The following SZT2 variants were observed in gnomAD, a reference collection of about 807,000 sequenced individuals.
SZT2 encodes SZT2 subunit of KICSTOR complex, also known as KICSTOR complex protein SZT2.
SZT2 carries 216 observed loss-of-function variants against 404.2 expected under a neutral mutation model. The observed-to-expected ratio is 0.53, with a 90% CI of 0.48 to 0.60. The LOEUF (loss-of-function observed/expected upper bound fraction) is 0.60. Ranked by LOEUF, SZT2 falls within the 20% of genes least tolerant of loss-of-function variation. The pLI, the probability that SZT2 is intolerant of heterozygous loss-of-function variation, is 0.00. For missense variants in SZT2, 3,857 were observed against 4,459.2 expected (o/e 0.86, Z 3.85); for synonymous variants, 1,693 against 1,749.9 (o/e 0.97, Z 0.81).
chr1:43,420,757 CA>C lies in SZT2; in HGVS notation c.1272del (p.Gln424HisfsTer4). ...TTCCGCTTCTCCCTAAGGAGGGTCC[CA>C]ATTGGAGGTAAAGCTGGTGCTGCTG... ...REVTLAKGGS[Q>X]LEVKLVLLWK... On this transcript the variant is annotated frameshift_variant, in exon 10 of 72. Transcript: ENST00000634258. LOFTEE classifies it high-confidence loss of function. The surrounding 1 kb of genome is among the most constrained non-coding windows in gnomAD (Gnocchi z 5.1). 6.3e-7 allele frequency: 1 copy of C among 1,598,348 alleles called. No individual in the cohort carries two copies. Among genetic ancestry groups the C allele is most frequent in the Non-Finnish European group, 8.5e-7 (1 of 1,179,786 alleles).
chr1:43,394,470 G>C (rs541500144), intron 1 of SZT2, among the ~76,000 whole-genome samples: 42 of 152,242 alleles, frequency 2.8e-4, no homozygotes, highest in Middle Eastern at 3.4e-3. Context: ...TCATGCAGCT[G>C]GTCCTTGGAT....
In SZT2 at chr1:43,448,991, C is replaced by G. The variant is rs1025183593; in HGVS notation, c.10086+263C>G. The G allele has an allele frequency of 1.1e-5, 5 of 448,854 alleles. No homozygotes were observed. Among genetic ancestry groups the G allele is most frequent in the Non-Finnish European group, 2.0e-5 (5 of 249,988 alleles). 27.8% of individuals were successfully genotyped at this position (448,854 alleles called of 1,614,324 possible). On this transcript the variant is annotated intron_variant, in intron 70 of 71. Coordinates refer to ENST00000634258, the MANE Select transcript of SZT2 (RefSeq NM_001365999.1). This position sits in a 1 kb window ranked among gnomAD's most constrained non-coding sequence, Gnocchi z 4.2. ...GAGGGCCAGGCTCTGGAACTGACAA[C>G]CCAAGGAGCTGTCAGAACTTTGTCA...
intron 1 of SZT2, among the ~76,000 whole-genome samples, chr1:43,390,869 T>A (rs1648215048): frequency 6.6e-6 from 1 of 152,222 alleles, no homozygotes; most frequent in African/African-American, 2.4e-5. Context: ...GAGATGTGTA[T>A]AATGATAGAA....
rs1464614070 is a variant in SZT2 at position 43,452,429 on chromosome 1, T to A, written c.*1949T>A. On this transcript the variant is annotated 3_prime_UTR_variant, in exon 72 of 72. Coordinates refer to ENST00000634258, the MANE Select transcript of SZT2 (RefSeq NM_001365999.1). Reference sequence around the variant, plus strand: ...TCCGTCTCCCCAGGTCTCCAGTCCATGGCACCTGGGTCACGATGCCCAGGT... The same window carrying A: ...TCCGTCTCCCCAGGTCTCCAGTCCAAGGCACCTGGGTCACGATGCCCAGGT... 2 of 852,200 alleles carry A rather than the reference T, an allele frequency of 2.3e-6. No homozygotes were observed. Among genetic ancestry groups the A allele is most frequent in the Non-Finnish European group, 3.9e-6 (2 of 508,292 alleles). 52.8% of individuals were successfully genotyped at this position (852,200 alleles called of 1,614,324 possible).
chr1:43,410,643 A>C (rs1650924920), intron 4 of SZT2: 1 of 151,892 alleles, frequency 6.6e-6, no homozygotes, highest in Admixed American at 6.6e-5. Flanking sequence ...ACGCTCCATG[A>C]CACTGGACTG....
chr1:43,411,833 C>T (rs932893483), intron 4 of SZT2, among the ~76,000 whole-genome samples: 2 of 121,656 alleles, frequency 1.6e-5, no homozygotes, highest in Admixed American at 1.1e-4. Context: ...GGGTGGAGTG[C>T]AGTGGCATGA....
At chr1:43,433,640 G>T (rs991865608) in intron 40 of SZT2, among the ~76,000 whole-genome samples, 34 of 152,304 alleles carry the variant, frequency 2.2e-4, no homozygotes, top group African/African-American at 7.9e-4. Context: ...AAATTAGTTG[G>T]GCGTGGTGGC....
intron 67 of SZT2, 24 bp from the exon 68 acceptor site, chr1:43,447,825 A>G (rs1655867598): frequency 6.2e-7 from 1 of 1,613,452 alleles, no homozygotes; most frequent in Admixed American, 1.7e-5. Flanking sequence ...CAGAGTTGAC[A>G]TCTCCCCAAC....
chr1:43,452,969 A>G lies in SZT2; in HGVS notation c.*2489A>G, dbSNP rs746723799. 2 of 1,609,044 alleles carry G rather than the reference A, an allele frequency of 1.2e-6. No individual in the cohort carries two copies. Among genetic ancestry groups the G allele is most frequent in the Non-Finnish European group, 1.7e-6 (2 of 1,178,014 alleles). On this transcript the variant is annotated 3_prime_UTR_variant, in exon 72 of 72. Coordinates refer to ENST00000634258, the MANE Select transcript of SZT2 (RefSeq NM_001365999.1). Reference sequence around the variant, plus strand: ...TCTTGCCACAGCACCCTTGCAAGGAACACTCAACTTCCTGCCCATCAAGCA... The same window carrying G: ...TCTTGCCACAGCACCCTTGCAAGGAGCACTCAACTTCCTGCCCATCAAGCA...
rs1656630188 is a variant in SZT2 at position 43,453,208 on chromosome 1, CAG to C, written c.*2731_*2732del. 1.6e-6 allele frequency: 1 copy of C among 641,714 alleles called. No individual in the cohort carries two copies. Among genetic ancestry groups the C allele is most frequent in the South Asian group, 1.9e-5 (1 of 53,518 alleles). The allele number at this position is 641,714 out of a possible 1,614,324, so 39.8% of individuals were successfully genotyped here. A position where few individuals can be genotyped will look rare whatever the true frequency, so the allele number is the denominator to read the frequency against. ...GGGGTGAGCATGAAAGAGTGGCAAA[CAG>C]AGTGGCATAAGACAGATAAAATACA... is the stretch of plus-strand genomic sequence containing the variant. On this transcript the variant is annotated 3_prime_UTR_variant, in exon 72 of 72. Transcript: ENST00000634258.
At position 43,450,267 on chromosome 1, in the gene SZT2, T is replaced by G. The variant is rs1189021985; in HGVS notation, c.10156-70T>G. The G allele has an allele frequency of 1.5e-5, 25 of 1,613,588 alleles. No individual in the cohort carries two copies. Among genetic ancestry groups the G allele is most frequent in the Non-Finnish European group, 1.9e-5 (23 of 1,179,684 alleles). ...TGCTGAGGTTGGGGTGCCCACCCTTTCTGAGCCCTGCCTCCTATCCCCACC... is the reference window on the plus strand; with the variant it reads ...TGCTGAGGTTGGGGTGCCCACCCTTGCTGAGCCCTGCCTCCTATCCCCACC... On this transcript the variant is annotated intron_variant, in intron 71 of 71. Coordinates refer to ENST00000634258, the MANE Select transcript of SZT2 (RefSeq NM_001365999.1). The surrounding 1 kb of genome is among the most constrained non-coding windows in gnomAD (Gnocchi z 4.3).
chr1:43,450,056 TGGGA>T lies in SZT2; in HGVS notation c.10087-43_10087-40del. 1 of 1,606,180 alleles carries T rather than the reference TGGGA, an allele frequency of 6.2e-7. No homozygotes were observed. Among genetic ancestry groups the T allele is most frequent in the East Asian group, 2.2e-5 (1 of 44,836 alleles). ...CCTCCCTTCACCTCAGGATGCCCTG[TGGGA>T]GGGTCTGTAGGGTCTGTGTCCCCTC... On this transcript the variant is annotated intron_variant, in intron 70 of 71. Transcript: ENST00000634258. This position sits in a 1 kb window ranked among gnomAD's most constrained non-coding sequence, Gnocchi z 4.3.
At position 43,451,218 on chromosome 1, in the gene SZT2, C is replaced by G. The variant is rs773617586; in HGVS notation, c.*738C>G. On this transcript the variant is annotated 3_prime_UTR_variant, in exon 72 of 72. Coordinates refer to ENST00000634258, the MANE Select transcript of SZT2 (RefSeq NM_001365999.1). ...GGATGTCACTCGCTGTCTGGAGGCA[C>G]GTGGGTGGTGTGCGGGCCCTCACTG... is the stretch of plus-strand genomic sequence containing the variant. 3 of 1,612,318 alleles carry G rather than the reference C, an allele frequency of 1.9e-6. 1 individual carries two copies. In the Admixed American group the frequency reaches 5.0e-5, roughly 27 times the overall value.
chr1:43,439,411 C>T lies in SZT2; in HGVS notation c.6846C>T (p.Asn2282=). ...CTGACTTGGACATCTACTTGTATAA[C>T]AAGCCTGGTGGACAGGGCACTGGGG... ...GLPDLDIYLY[N]KPGGQGTGGK... The change falls in exon 49 of 72, where the codon AAC becomes AAT. Residue 2282 remains asparagine, a synonymous_variant. Coordinates refer to ENST00000634258, the MANE Select transcript of SZT2 (RefSeq NM_001365999.1). This position sits in a 1 kb window ranked among gnomAD's most constrained non-coding sequence, Gnocchi z 4.2. The T allele has an allele frequency of 6.2e-7, 1 of 1,613,062 alleles. No homozygotes were observed. The highest frequency in any genetic ancestry group is 2.2e-5 in the East Asian group (1 of 44,884).
In SZT2 at chr1:43,443,682, G is replaced by T; in HGVS notation, c.8711G>T (p.Arg2904Leu). 1 of 1,614,236 alleles carries T rather than the reference G, an allele frequency of 6.2e-7. No individual in the cohort carries two copies. The highest frequency in any genetic ancestry group is 8.5e-7 in the Non-Finnish European group (1 of 1,180,042). The stretch of plus-strand genomic sequence containing the variant: ...TTGGATGTGTCGCCCCCGGGAGCCC[G>T]TGAGGAGCCTTGGCTGAAGGAGCTG... ...ESLDVSPPGA[R>L]EEPWLKELSL... is the part of the protein sequence containing the mutation. The change falls in exon 62 of 72, where the codon CGT becomes CTT. Residue 2904 changes from arginine to leucine, a missense_variant. Physicochemically the swap from Arg to Leu is moderately radical, Grantham distance 102. This residue lies in a region of SZT2 where 717 missense variants were observed against 868.2 expected (regional missense o/e 0.83). Coordinates refer to ENST00000634258, the MANE Select transcript of SZT2 (RefSeq NM_001365999.1).
In SZT2 at chr1:43,431,696, C is replaced by T. The variant is rs768978599; in HGVS notation, c.5089-20C>T. The T allele has an allele frequency of 3.1e-6, 5 of 1,612,544 alleles. No individual in the cohort carries two copies. Among genetic ancestry groups the T allele is most frequent in the African/African-American group, 1.3e-5 (1 of 74,874 alleles). On this transcript the variant is annotated intron_variant, in intron 35 of 71. Transcript: ENST00000634258. ...AGGAAGCAAGGGAGATGCCCTTTGTCACTTGCTGTCTAACTGTAGATCCGC... is the reference window on the plus strand; with the variant it reads ...AGGAAGCAAGGGAGATGCCCTTTGTTACTTGCTGTCTAACTGTAGATCCGC...
At position 43,451,820 on chromosome 1, in the gene SZT2, CT is replaced by C; in HGVS notation, c.*1342del. 1 of 1,614,064 alleles carries C rather than the reference CT, an allele frequency of 6.2e-7. No homozygotes were observed. Among genetic ancestry groups the C allele is most frequent in the Non-Finnish European group, 8.5e-7 (1 of 1,179,980 alleles). On this transcript the variant is annotated 3_prime_UTR_variant, in exon 72 of 72. Transcript: ENST00000634258. ...TACCATTTGTAATTGGAGGTTGGGTCTTCCTACCTTCTGTAAGATGGCTGCC... is the reference window on the plus strand; with the variant it reads ...TACCATTTGTAATTGGAGGTTGGGTCTCCTACCTTCTGTAAGATGGCTGCC...
chr1:43,427,591 T>A lies in SZT2; in HGVS notation c.3660T>A (p.Ala1220=), dbSNP rs1653319992. ...PPFRRDLQAY[A]GRQASQTESA... Reference sequence around the variant, plus strand: ...TCCGTCGAGACTTACAGGCTTACGCTGGGCGTCAGGCTTCCCAGACAGAGA... The same window carrying A: ...TCCGTCGAGACTTACAGGCTTACGCAGGGCGTCAGGCTTCCCAGACAGAGA... Residue 1220 remains alanine, a synonymous_variant, in exon 26 of 72, where the codon GCT becomes GCA. Coordinates refer to ENST00000634258, the MANE Select transcript of SZT2 (RefSeq NM_001365999.1). 1 of 1,614,102 alleles carries A rather than the reference T, an allele frequency of 6.2e-7. No individual in the cohort carries two copies. Among genetic ancestry groups the A allele is most frequent in the African/African-American group, 1.3e-5 (1 of 74,926 alleles).
chr1:43,398,436 C>T (rs1392872901), intron 1 of SZT2, among the ~76,000 whole-genome samples: 1 of 152,118 alleles, frequency 6.6e-6, no homozygotes, highest in Admixed American at 6.5e-5. Context: ...GCTCTGAGCC[C>T]CAAACCATCC....
Sources: allele counts gnomAD v4.1 joint callset (sites outside exome capture counted in the v4.1 genomes callset), GRCh38; gene constraint gnomAD v4.1.1; regional missense constraint gnomAD v4.1.1; non-coding constraint Gnocchi (gnomAD v3.1); transcripts MANE v1.5; gene names NCBI Gene and HGNC (gene_info 2026-07-23, HGNC 2026-07-21).